The following ZNF248 variants were observed in gnomAD, a reference collection of about 807,000 sequenced individuals.
The protein encoded by ZNF248 is KRAB protein domain.
In ZNF248, 20 loss-of-function variants were observed where a neutral mutation model predicts 44.3. The observed-to-expected ratio is 0.45, with a 90% CI of 0.32 to 0.66. The LOEUF (loss-of-function observed/expected upper bound fraction) is 0.66, where lower values mean the gene tolerates loss of function less well. Ranked by LOEUF, ZNF248 falls within the 30% of genes least tolerant of loss-of-function variation. The probability of loss-of-function intolerance (pLI) is 0.04; values close to 1 mark genes in which losing one functional copy is unlikely to be tolerated. For synonymous variants in ZNF248, 224 were observed against 229.0 expected (o/e 0.98, Z 0.20); for missense variants, 654 against 677.0 (o/e 0.97, Z 0.38).
the ZNF248 span, among the ~76,000 whole-genome samples, chr10:37,765,153 C>A: frequency 1.7e-3 from 260 of 152,154 alleles, 1 homozygote; most frequent in Middle Eastern, 0.02. Context: ...GACAGGGTTT[C>A]TCCATGTCAG....
In ZNF248 at chr10:37,833,046, A is replaced by C; in HGVS notation, c.309T>G (p.Leu103=). The part of the protein sequence containing the change: ...QENEDDHFWE[L]LFHNNKTVSV... The stretch of plus-strand genomic sequence containing the variant: ...TTACTGTTTTGTTGTTGTGGAATAG[A>C]AGCTCCCAAAAATGGTCATCTTCAT... Residue 103 remains leucine (L), a synonymous_variant, in exon 6 of 6, where the codon CTT becomes CTG. Transcript: ENST00000395867. 6.2e-7 allele frequency: 1 copy of C among 1,612,356 alleles called. No individual in the cohort carries two copies. Among genetic ancestry groups the C allele is most frequent in the Non-Finnish European group, 8.5e-7 (1 of 1,179,452 alleles).
At chr10:37,840,017 T>C (rs2058052213) in intron 3 of ZNF248, among the ~76,000 whole-genome samples, 1 of 152,030 alleles carries the variant, frequency 6.6e-6, no homozygotes, top group African/African-American at 2.4e-5. Context: ...TAGAAACCAA[T>C]AAGCAAGACG....
At chr10:37,766,366 GC>G in the ZNF248 span, among the ~76,000 whole-genome samples, 2 of 152,222 alleles carry the variant, frequency 1.3e-5, no homozygotes, top group Non-Finnish European at 2.9e-5. Context: ...TCTAGTAGGG[GC>G]AGACTGACAC....
the ZNF248 span, among the ~76,000 whole-genome samples, chr10:37,769,897 C>T: frequency 6.6e-6 from 1 of 152,164 alleles, no homozygotes; most frequent in East Asian, 1.9e-4. Flanking sequence ...CCAAAATCTC[C>T]TTAAGCTGAT....
rs2055617627 is a variant in ZNF248, at chr10:37,831,513, A to G, written c.*102T>C. ...TTGAAAGCTTTTACATATTCAAACAAGAAGTCATTTTCTACAAATTTCTGA... is the reference window on the plus strand; with the variant it reads ...TTGAAAGCTTTTACATATTCAAACAGGAAGTCATTTTCTACAAATTTCTGA... On this transcript the variant is annotated 3_prime_UTR_variant, in exon 6 of 6. Transcript: ENST00000395867. 1.3e-6 allele frequency: 2 copies of G among 1,484,704 alleles called. No homozygotes were observed. Among genetic ancestry groups the G allele is most frequent in the Admixed American group, 5.2e-5 (2 of 38,366 alleles). 92.0% of individuals were successfully genotyped at this position (1,484,704 alleles called of 1,614,324 possible).
In ZNF248 at chr10:37,835,103, G is replaced by A. The variant is rs2056847708; in HGVS notation, c.239-1987C>T. ...TTTAGGTTAGTTTGTTAAGCTAAAG[G>A]AAGATAAATTGAATAATTTAGGCTA... is the stretch of plus-strand genomic sequence containing the variant. On this transcript the variant is annotated intron_variant, in intron 5 of 5. Coordinates refer to ENST00000395867, the MANE Select transcript of ZNF248 (RefSeq NM_021045.3). Among the ~76,000 whole-genome samples, 3 of 151,886 alleles carry A rather than the reference G, an allele frequency of 2.0e-5. No individual in the cohort carries two copies. In the South Asian group the frequency reaches 6.3e-4, roughly 32 times the overall value.
At chr10:37,768,709 G>C in the ZNF248 span, among the ~76,000 whole-genome samples, 1 of 152,148 alleles carries the variant, frequency 6.6e-6, no homozygotes, top group East Asian at 1.9e-4. Context: ...ACAATTAAAA[G>C]AACTAGAAAA....
intron 6 of ZNF248, among the ~76,000 whole-genome samples, chr10:37,788,333 T>C (rs2048126786): frequency 7.1e-6 from 1 of 140,624 alleles, no homozygotes; most frequent in African/African-American, 2.7e-5. Flanking sequence ...AATATACAAA[T>C]GCAAGGGCCA....
intron 3 of ZNF248, among the ~76,000 whole-genome samples, chr10:37,852,104 G>A (rs547613920): frequency 2.4e-4 from 36 of 152,124 alleles, no homozygotes; most frequent in African/African-American, 8.2e-4. Flanking sequence ...AAAATTAGCC[G>A]GGCGTGGTGG....
In ZNF248 at chr10:37,832,123, G is replaced by A. The variant is rs760644705; in HGVS notation, c.1232C>T (p.Thr411Ile). ...THTGEKPYEC[T>I]ECGKAFCQKP... Reference sequence around the variant, plus strand: ...CTGGCAAAAGGCTTTCCCACATTCAGTACATTCATAGGGCTTCTCTCCTGT... The same window carrying A: ...CTGGCAAAAGGCTTTCCCACATTCAATACATTCATAGGGCTTCTCTCCTGT... Residue 411 changes from threonine (T) to isoleucine (I), a missense_variant, in exon 6 of 6, where the codon ACT (threonine) becomes ATT (isoleucine). By Grantham distance (89) the Thr-to-Ile change is moderately conservative. Coordinates refer to ENST00000395867, the MANE Select transcript of ZNF248 (RefSeq NM_021045.3). 32 of 1,610,782 alleles carry A rather than the reference G, an allele frequency of 2.0e-5. No individual in the cohort carries two copies. The highest frequency in any genetic ancestry group is 3.3e-5 in the South Asian group (3 of 90,856).
intron 6 of ZNF248, among the ~76,000 whole-genome samples, chr10:37,778,632 A>T (rs1480554747): frequency 2.0e-5 from 3 of 152,196 alleles, no homozygotes; most frequent in Non-Finnish European, 4.4e-5. Flanking sequence ...GGTAAAGCCT[A>T]GGTTTTCTTC....
chr10:37,827,262 A>G (rs1054060933), downstream of ZNF248, among the ~76,000 whole-genome samples: 2 of 152,172 alleles, frequency 1.3e-5, no homozygotes, highest in South Asian at 2.1e-4. Context: ...TGAGGTCTTG[A>G]GCTTCCTTTA....
the ZNF248 span, among the ~76,000 whole-genome samples, chr10:37,765,908 C>G: frequency 1.3e-5 from 2 of 152,246 alleles, no homozygotes; most frequent in African/African-American, 4.8e-5. Context: ...CACTCCCACC[C>G]TAATACTGCA....
chr10:37,827,188 C>T (rs1278637914), downstream of ZNF248, among the ~76,000 whole-genome samples: 1 of 152,166 alleles, frequency 6.6e-6, no homozygotes, highest in Non-Finnish European at 1.5e-5. Flanking sequence ...TATCAGAGAT[C>T]CACAAGAATA....
intron 3 of ZNF248, among the ~76,000 whole-genome samples, chr10:37,845,596 A>G (rs923135812): frequency 2.0e-5 from 3 of 152,192 alleles, no homozygotes; most frequent in Non-Finnish European, 4.4e-5. Flanking sequence ...TAAAAGTTTA[A>G]GATTTTGGAA....
intron 3 of ZNF248, among the ~76,000 whole-genome samples, chr10:37,850,796 C>T (rs959412364): frequency 1.3e-5 from 2 of 151,946 alleles, no homozygotes; most frequent in Admixed American, 6.6e-5. Flanking sequence ...ATACCTTACA[C>T]AAAAATTAAC....
intron 6 of ZNF248, among the ~76,000 whole-genome samples, chr10:37,822,924 G>A (rs527427367): frequency 1.8e-4 from 27 of 152,148 alleles, no homozygotes; most frequent in African/African-American, 5.3e-4. Flanking sequence ...ATTAATGTGC[G>A]GTCTATGTGA....
chr10:37,804,748 TAATAATGTGA>T (rs1462892277), intron 6 of ZNF248, among the ~76,000 whole-genome samples: 1 of 152,202 alleles, frequency 6.6e-6, no homozygotes, highest in Admixed American at 6.5e-5. Context: ...AGCCTGATAT[TAATAATGTGA>T]ATCTTAATAT....
chr10:37,762,699 T>C, the ZNF248 span, among the ~76,000 whole-genome samples: 1 of 152,158 alleles, frequency 6.6e-6, no homozygotes, highest in Non-Finnish European at 1.5e-5. Context: ...CAATGGCAAA[T>C]AACAACACAG....
Sources: gnomAD v4.1 joint callset for allele counts (sites outside exome capture counted in the v4.1 genomes callset) on GRCh38, gnomAD v4.1.1 for gene constraint, MANE v1.5 for transcripts, NCBI Gene and HGNC (gene_info 2026-07-23, HGNC 2026-07-21) for gene names.